Variants in APC observed in about 807,000 individuals in gnomAD.
The protein encoded by APC is adenomatous polyposis coli protein.
In APC, 72 loss-of-function variants were observed where a neutral mutation model predicts 247.0. The ratio of observed to expected loss-of-function variants is 0.29; its 90% CI spans 0.24 to 0.35. The LOEUF (loss-of-function observed/expected upper bound fraction) is 0.35. Ranked by LOEUF, APC falls within the 10% of genes least tolerant of loss-of-function variation. APC has a pLI of 1.00. For missense variants in APC, 3,400 were observed against 3,360.7 expected, an observed-to-expected ratio of 1.01 and a Z score of -0.29; for synonymous variants, 1,254 against 1,162.5, an observed-to-expected ratio of 1.08 and a Z score of -1.60.
chr5:112,838,783 T>C lies in APC; in HGVS notation c.3189T>C (p.Ser1063=), dbSNP rs1554084833. 6.2e-7 allele frequency: 1 copy of C among 1,614,114 alleles called. No individual in the cohort carries two copies. Among genetic ancestry groups the C allele is most frequent in the Non-Finnish European group, 8.5e-7 (1 of 1,180,014 alleles). ...KHIIEDEIKQ[S]EQRQSRNQST... Reference sequence around the variant, plus strand: ...TAATAGAAGATGAAATAAAACAAAGTGAGCAAAGACAATCAAGGAATCAAA... The same window carrying C: ...TAATAGAAGATGAAATAAAACAAAGCGAGCAAAGACAATCAAGGAATCAAA... Residue 1063 remains serine (S), a synonymous_variant, in exon 16 of 16, where the codon AGT becomes AGC. Coordinates refer to ENST00000257430, the MANE Select transcript of APC (RefSeq NM_000038.6).
intron 14 of APC, among the ~76,000 whole-genome samples, chr5:112,833,261 C>T (rs1429677715): frequency 6.6e-6 from 1 of 150,444 alleles, no homozygotes; most frequent in African/African-American, 2.5e-5. Context: ...CGGCTCACTG[C>T]AACCTCTGCC....
intron 2 of APC, among the ~76,000 whole-genome samples, chr5:112,765,369 C>G (rs1299678609): frequency 6.6e-6 from 1 of 152,186 alleles, no homozygotes; most frequent in African/African-American, 2.4e-5. Flanking sequence ...CTGCCTTAGC[C>G]TCCCAAAGCG....
At chr5:112,763,512 C>CT in intron 2 of APC, among the ~76,000 whole-genome samples, 1 of 151,666 alleles carries the variant, frequency 6.6e-6, no homozygotes, top group African/African-American at 2.4e-5. Context: ...TTTTTAATTT[C>CT]TTTTTTTAGT....
intron 1 of APC, among the ~76,000 whole-genome samples, chr5:112,745,962 G>A (rs936747073): frequency 6.6e-6 from 1 of 152,200 alleles, no homozygotes; most frequent in Non-Finnish European, 1.5e-5. Flanking sequence ...GTAGTGGAAA[G>A]TATGTGTTGA....
In APC at chr5:112,843,315, T is replaced by A. The variant is rs1282183992; in HGVS notation, c.7721T>A (p.Leu2574His). The A allele has an allele frequency of 6.2e-7, 1 of 1,613,784 alleles. No homozygotes were observed. The highest frequency in any genetic ancestry group is 8.5e-7 in the Non-Finnish European group (1 of 1,179,702). ...WRRTGSSSSILSASSESSEKA... is the reference protein window; with the variant it reads ...WRRTGSSSSIHSASSESSEKA... ...AGAACTGGAAGTTCATCTTCAATTC[T>A]TTCTGCTTCATCAGAATCCAGTGAA... Residue 2574 changes from leucine (L) to histidine (H), a missense_variant, in exon 16 of 16, where the codon CTT becomes CAT. Coordinates refer to ENST00000257430, the MANE Select transcript of APC (RefSeq NM_000038.6). This position sits in a 1 kb window ranked among gnomAD's most constrained non-coding sequence, Gnocchi z 4.8.
At chr5:112,773,409 A>C (rs1443543842) in intron 4 of APC, among the ~76,000 whole-genome samples, 1 of 152,210 alleles carries the variant, frequency 6.6e-6, no homozygotes, top group Non-Finnish European at 1.5e-5. Context: ...TCTACATGGC[A>C]AAACGTTACA....
intron 8 of APC, among the ~76,000 whole-genome samples, chr5:112,807,532 T>A (rs1761543494): frequency 6.6e-6 from 1 of 152,120 alleles, no homozygotes; most frequent in Non-Finnish European, 1.5e-5. Context: ...TTTCTTTCAC[T>A]ATTTTTTCTT....
intron 7 of APC, among the ~76,000 whole-genome samples, chr5:112,800,187 T>A (rs1433132857): frequency 6.6e-6 from 1 of 151,950 alleles, no homozygotes; most frequent in African/African-American, 2.4e-5. Flanking sequence ...TGGTCAGTAA[T>A]TTTCTTTAAA....
chr5:112,790,907 C>A (rs1020107595), intron 6 of APC, among the ~76,000 whole-genome samples: 13 of 152,178 alleles, frequency 8.5e-5, no homozygotes, highest in African/African-American at 3.1e-4. Flanking sequence ...TTCTAACACA[C>A]ACACACCCCT....
intron 4 of APC, among the ~76,000 whole-genome samples, chr5:112,772,789 T>C (rs1384211143): frequency 6.6e-6 from 1 of 152,198 alleles, no homozygotes; most frequent in Non-Finnish European, 1.5e-5. Flanking sequence ...AGTACTGGGA[T>C]TACAGGCGTG....
At chr5:112,740,524 C>CTTTTTTTTTTTTTTTTTTTTTTTTTTT (rs11286305) in intron 1 of APC, among the ~76,000 whole-genome samples, 1 of 99,136 alleles carries the variant, frequency 1.0e-5, no homozygotes, top group Non-Finnish European at 1.9e-5. Flanking sequence ...GTTTTTTTTT[C>CTTTTTTTTTTTTTTTTTTTTTTTTTTT]TTTTTTTTTT....
At chr5:112,713,732 A>C (rs1417265688) in intron 1 of APC, among the ~76,000 whole-genome samples, 2 of 152,092 alleles carry the variant, frequency 1.3e-5, no homozygotes, top group Non-Finnish European at 2.9e-5. Flanking sequence ...CAGTGGCTTG[A>C]TCTCAGCTCA....
In APC at chr5:112,758,283, A is replaced by G. The variant is rs936995425; in HGVS notation, c.135+3258A>G. 6.6e-5 allele frequency among the ~76,000 whole-genome samples: 10 copies of G among 152,044 alleles called. No homozygotes were observed. In the South Asian group the frequency reaches 1.0e-3, roughly 16 times the overall value. ...AGTGTATTTTTTACTCCATGGCTAG[A>G]GCCCTCCCCCCAACTTGTTTTTTTT... is the stretch of plus-strand genomic sequence containing the variant. On this transcript the variant is annotated intron_variant, in intron 2 of 15. Transcript: ENST00000257430.
intron 4 of APC, among the ~76,000 whole-genome samples, chr5:112,774,794 A>C (rs985924708): frequency 6.6e-6 from 1 of 152,132 alleles, no homozygotes; most frequent in African/African-American, 2.4e-5. Context: ...TCAATTTTTA[A>C]GTGAAAAAAA....
At chr5:112,777,031 A>G (rs1757737401) in intron 5 of APC, among the ~76,000 whole-genome samples, 1 of 152,182 alleles carries the variant, frequency 6.6e-6, no homozygotes, top group Non-Finnish European at 1.5e-5. Flanking sequence ...ATTTATAGAT[A>G]TGAATTCTGA....
At chr5:112,789,441 A>C (rs1580412296) in intron 6 of APC, among the ~76,000 whole-genome samples, 2 of 152,194 alleles carry the variant, frequency 1.3e-5, no homozygotes, top group East Asian at 3.8e-4. Flanking sequence ...AGCACAAGGA[A>C]TGTCATGTCA....
At chr5:112,735,235 G>C (rs1469252711), upstream of APC, among the ~76,000 whole-genome samples, 1 of 151,950 alleles carries the variant, frequency 6.6e-6, no homozygotes, top group East Asian at 1.9e-4. Flanking sequence ...GAGTACAATG[G>C]CGAGATCTCG....
intron 4 of APC, among the ~76,000 whole-genome samples, chr5:112,768,305 A>G (rs1756596608): frequency 6.6e-6 from 1 of 151,564 alleles, no homozygotes; most frequent in Admixed American, 6.6e-5. Context: ...TCGGCCTTCT[A>G]AAGTGCTGGG....
Position 112,841,936 on chromosome 5 carries a change from T to C in APC, c.6342T>C (p.Ser2114=), listed in dbSNP as rs2149962677. The change falls in exon 16 of 16, where the codon AGT becomes AGC. Residue 2114 remains serine (S), a synonymous_variant. Transcript: ENST00000257430. This position sits in a 1 kb window ranked among gnomAD's most constrained non-coding sequence, Gnocchi z 4.6. ...AAGGTGCAAATTCCATAGTAAGTAG[T>C]TTACATCAAGCTGCTGCTGCTGCAT... ...IQEGANSIVS[S]LHQAAAAACL... is the part of the protein sequence containing the mutation. 1 of 1,613,952 alleles carries C rather than the reference T, an allele frequency of 6.2e-7. No individual in the cohort carries two copies. The highest frequency in any genetic ancestry group is 1.1e-5 in the South Asian group (1 of 91,070).
Sources: allele counts gnomAD v4.1 joint callset (sites outside exome capture counted in the v4.1 genomes callset), GRCh38; gene constraint gnomAD v4.1.1; non-coding constraint Gnocchi (gnomAD v3.1); transcripts MANE v1.5; gene names NCBI Gene and HGNC (gene_info 2026-07-23, HGNC 2026-07-21).